Variants in PCYT1B observed in about 807,000 individuals in gnomAD.
The protein encoded by PCYT1B is phosphate cytidylyltransferase 1B, choline.
A neutral mutation model predicts 26.4 loss-of-function variants in PCYT1B; 10 were observed. That is an observed-to-expected ratio of 0.38 (90% CI 0.23 to 0.64). PCYT1B has a LOEUF of 0.64. Ranked by LOEUF, PCYT1B falls within the 30% of genes least tolerant of loss-of-function variation. PCYT1B has a pLI of 0.56. For synonymous variants in PCYT1B, 131 were observed against 108.4 expected (o/e 1.21, Z -1.29); for missense variants, 161 against 292.7 (o/e 0.55, Z 3.28).
At chrX:24,616,253 A>C (rs5986349) in intron 2 of PCYT1B, among the ~76,000 whole-genome samples, 1 of 50,352 alleles carries the variant, frequency 2.0e-5, no homozygotes, top group African/African-American at 1.0e-4. Context: ...TTTTTTTTTT[A>C]AAAAAACAGA....
At chrX:24,589,779 A>T (rs1428152164) in intron 4 of PCYT1B, among the ~76,000 whole-genome samples, 6 of 111,496 alleles carry the variant, frequency 5.4e-5, no homozygotes, top group African/African-American at 2.0e-4. Context: ...CACAACTAGG[A>T]AGAGATAGAG....
At chrX:24,578,157 C>T (rs1205810446) in intron 6 of PCYT1B, among the ~76,000 whole-genome samples, 2 of 111,366 alleles carry the variant, frequency 1.8e-5, no homozygotes, top group Non-Finnish European at 3.8e-5. Context: ...ACTATGCATA[C>T]ATAAAAAAGG....
chrX:24,584,785 G>T (rs182011907), intron 5 of PCYT1B, among the ~76,000 whole-genome samples: 59 of 112,167 alleles, frequency 5.3e-4, no homozygotes, highest in African/African-American at 1.9e-3. Context: ...GATGACTTCA[G>T]GGGGAGGCAG....
intron 3 of PCYT1B, among the ~76,000 whole-genome samples, chrX:24,606,459 C>T (rs1490246820): frequency 8.9e-6 from 1 of 112,432 alleles, no homozygotes; most frequent in Admixed American, 9.5e-5. Context: ...ATGACTTGCC[C>T]AGTAACCATT....
At chrX:24,586,282 G>T (rs1258870558) in intron 5 of PCYT1B, among the ~76,000 whole-genome samples, 1 of 112,743 alleles carries the variant, frequency 8.9e-6, no homozygotes, top group Admixed American at 9.4e-5. Context: ...GCCTCACAAG[G>T]CAGGGAGTTC....
chrX:24,565,946 T>A (rs956222836), intron 7 of PCYT1B, among the ~76,000 whole-genome samples: 14 of 111,766 alleles, frequency 1.3e-4, no homozygotes, highest in Admixed American at 7.6e-4. Flanking sequence ...ATGGCCTGTA[T>A]AGACAAGTCA....
intron 3 of PCYT1B, among the ~76,000 whole-genome samples, chrX:24,607,299 G>A (rs1925169586): frequency 8.9e-6 from 1 of 112,518 alleles, no homozygotes; most frequent in African/African-American, 3.2e-5. Context: ...GCACAACATT[G>A]TCTTAAGTGC....
chrX:24,651,470 AAAATATATATATATATAT>A (rs1216965887), upstream of PCYT1B, among the ~76,000 whole-genome samples: 90 of 37,101 alleles, frequency 2.4e-3, 4 homozygotes, highest in Middle Eastern at 9.6e-3. Context: ...AAAAAAAAAA[AAAATATATATATATATAT>A]ATATATATAT....
chrX:24,594,283 T>C (rs1361124297), intron 3 of PCYT1B, among the ~76,000 whole-genome samples: 6 of 111,430 alleles, frequency 5.4e-5, no homozygotes, highest in Non-Finnish European at 9.4e-5. Flanking sequence ...TAACTATGTG[T>C]TGATTTATTG....
At chrX:24,589,707 T>C (rs947216056) in intron 4 of PCYT1B, among the ~76,000 whole-genome samples, 1 of 111,670 alleles carries the variant, frequency 9.0e-6, no homozygotes, top group African/African-American at 3.3e-5. Context: ...GATACCAACA[T>C]CATCCCATTT....
intron 2 of PCYT1B, among the ~76,000 whole-genome samples, chrX:24,608,715 A>G (rs1378536835): frequency 4.5e-5 from 5 of 111,896 alleles, no homozygotes; most frequent in Admixed American, 9.5e-5. Context: ...TCCAGGAACC[A>G]GGAGACCAGG....
At chrX:24,566,429 T>C (rs182831953) in intron 7 of PCYT1B, among the ~76,000 whole-genome samples, 1 of 112,163 alleles carries the variant, frequency 8.9e-6, no homozygotes, top group Non-Finnish European at 1.9e-5. Context: ...ATGTTCTGCA[T>C]GATCTCAAGT....
At chrX:24,576,590 C>T (rs1258490951) in intron 6 of PCYT1B, among the ~76,000 whole-genome samples, 1 of 111,991 alleles carries the variant, frequency 8.9e-6, no homozygotes, top group East Asian at 2.8e-4. Flanking sequence ...CATGCATGAG[C>T]CACTGTGCCT....
intron 2 of PCYT1B, among the ~76,000 whole-genome samples, chrX:24,611,154 G>A (rs929839564): frequency 6.3e-5 from 7 of 111,553 alleles, no homozygotes; most frequent in African/African-American, 2.3e-4. Flanking sequence ...GGACAGAGTA[G>A]ACAGAGGTGT....
chrX:24,609,724 G>A (rs1420041660), intron 2 of PCYT1B, among the ~76,000 whole-genome samples: 4 of 111,968 alleles, frequency 3.6e-5, no homozygotes, highest in African/African-American at 9.7e-5. Context: ...GTGCCTACAG[G>A]GAATAAGAAT....
At chrX:24,669,967 T>C (rs755877306) in intron 1 of PCYT1B, among the ~76,000 whole-genome samples, 1 of 106,571 alleles carries the variant, frequency 9.4e-6, no homozygotes, top group East Asian at 2.9e-4. Flanking sequence ...CACTTGAGCC[T>C]AATAGTTTGA....
At chrX:24,618,287 T>G (rs911419499) in intron 2 of PCYT1B, among the ~76,000 whole-genome samples, 3 of 112,096 alleles carry the variant, frequency 2.7e-5, no homozygotes, top group Non-Finnish European at 5.6e-5. Context: ...GTAGCTTAGG[T>G]TTGTATATGC....
chrX:24,631,265 T>C (rs991019469), intron 1 of PCYT1B, among the ~76,000 whole-genome samples: 2 of 111,641 alleles, frequency 1.8e-5, no homozygotes, highest in East Asian at 2.8e-4. Flanking sequence ...GTGCCTTCCA[T>C]GTAAGGCAGA....
chrX:24,573,162 A>ACG (rs1285734330), intron 7 of PCYT1B, among the ~76,000 whole-genome samples: 10 of 32,896 alleles, frequency 3.0e-4, no homozygotes, highest in African/African-American at 7.0e-4. Context: ...ACACACACAC[A>ACG]CATATATATA....
Sources: allele counts gnomAD v4.1 joint callset (sites outside exome capture counted in the v4.1 genomes callset), GRCh38; gene constraint gnomAD v4.1.1; transcripts MANE v1.5; gene names NCBI Gene and HGNC (gene_info 2026-07-23, HGNC 2026-07-21).